The following LOXL2 variants were observed in gnomAD, a reference collection of about 807,000 sequenced individuals.
LOXL2 encodes lysyl oxidase like 2.
A neutral mutation model predicts 93.0 loss-of-function variants in LOXL2; 70 were observed. The ratio of observed to expected loss-of-function variants is 0.75; its 90% CI spans 0.62 to 0.92. The LOEUF (loss-of-function observed/expected upper bound fraction) is 0.92. Among genes scored for constraint, LOXL2 ranks in the 40% least tolerant of loss-of-function variants. The pLI is 0.00. For missense variants in LOXL2, 973 were observed against 1,054.9 expected (o/e 0.92, Z 1.08); for synonymous variants, 438 against 413.2 (o/e 1.06, Z -0.73).
At chr8:23,321,916 C>G (rs1358844031) in intron 7 of LOXL2, 12 of 554,384 alleles carry the variant, frequency 2.2e-5, no homozygotes, top group African/African-American at 3.8e-5. Context: ...AGGGCCTTTC[C>G]AGCTCACACT....
At chr8:23,378,673 G>A (rs543722605) in intron 1 of LOXL2, among the ~76,000 whole-genome samples, 28 of 152,014 alleles carry the variant, frequency 1.8e-4, no homozygotes, top group East Asian at 9.6e-4. Context: ...TTCTCTTCTC[G>A]CTTCATTTCA....
chr8:23,375,936 C>G (rs1045924913), intron 1 of LOXL2, among the ~76,000 whole-genome samples: 1 of 151,964 alleles, frequency 6.6e-6, no homozygotes, highest in Non-Finnish European at 1.5e-5. Flanking sequence ...TTATTTTTTT[C>G]TCCTGCCTGA....
At chr8:23,323,661 C>A (rs1585349914) in intron 6 of LOXL2, among the ~76,000 whole-genome samples, 1 of 137,184 alleles carries the variant, frequency 7.3e-6, no homozygotes, top group African/African-American at 3.1e-5. Flanking sequence ...TGTAAAAGGC[C>A]AATTAATTAT....
intron 10 of LOXL2, among the ~76,000 whole-genome samples, chr8:23,308,990 A>ATTTTT (rs67587130): frequency 7.3e-6 from 1 of 136,728 alleles, no homozygotes; most frequent in African/African-American, 2.8e-5. Flanking sequence ...ATATATATAT[A>ATTTTT]TTTTTTTTTT....
intron 1 of LOXL2, among the ~76,000 whole-genome samples, chr8:23,390,276 T>G (rs1362277294): frequency 2.0e-5 from 3 of 152,124 alleles, no homozygotes; most frequent in African/African-American, 7.2e-5. Flanking sequence ...CTTGGCTGAA[T>G]GGGGTTTGCT....
intron 10 of LOXL2, among the ~76,000 whole-genome samples, chr8:23,308,993 T>A (rs1037040678): frequency 8.7e-5 from 13 of 149,932 alleles, no homozygotes; most frequent in African/African-American, 1.7e-4. Flanking sequence ...TATATATATT[T>A]TTTTTTTTTG....
intron 1 of LOXL2, among the ~76,000 whole-genome samples, chr8:23,372,343 G>C (rs755112196): frequency 6.6e-6 from 1 of 151,706 alleles, no homozygotes; most frequent in African/African-American, 2.4e-5. Flanking sequence ...TTAGCCCCTC[G>C]AGTAGCTGGG....
intron 1 of LOXL2, among the ~76,000 whole-genome samples, chr8:23,376,490 A>G (rs1393981643): frequency 2.0e-5 from 3 of 152,032 alleles, no homozygotes; most frequent in African/African-American, 4.8e-5. Flanking sequence ...TTTTCTATTG[A>G]TTGGAATAGT....
chr8:23,373,830 C>T (rs564389304), intron 1 of LOXL2, among the ~76,000 whole-genome samples: 2 of 152,184 alleles, frequency 1.3e-5, no homozygotes, highest in East Asian at 1.9e-4. Context: ...CTACTACCCC[C>T]AGCCTGGCAC....
intron 1 of LOXL2, among the ~76,000 whole-genome samples, chr8:23,381,210 A>T (rs913357370): frequency 6.6e-5 from 10 of 152,178 alleles, no homozygotes; most frequent in African/African-American, 2.4e-4. Flanking sequence ...TTTATGGAAC[A>T]TTCTTTCATA....
chr8:23,342,781 C>T (rs1281485126), intron 3 of LOXL2, among the ~76,000 whole-genome samples: 1 of 151,826 alleles, frequency 6.6e-6, no homozygotes, highest in Non-Finnish European at 1.5e-5. Flanking sequence ...GGCAGGGTCT[C>T]ACTCTGTTGC....
Position 23,341,232 on chromosome 8 carries a change from G to C in LOXL2, c.532-29C>G, listed in dbSNP as rs1215227473. ...GGAAGAAAGAGGCGTGGAAGGAGAG[G>C]GTTACCCTACTGGCCTGGCTGCAGA... On this transcript the variant is annotated intron_variant, in intron 3 of 13. Transcript: ENST00000389131. 2.5e-6 allele frequency: 4 copies of C among 1,574,372 alleles called. No individual in the cohort carries two copies. In the African/African-American group the frequency reaches 5.4e-5, roughly 21 times the overall value.
chr8:23,340,459 C>A (rs1186357416), intron 4 of LOXL2, among the ~76,000 whole-genome samples: 1 of 152,182 alleles, frequency 6.6e-6, no homozygotes, highest in African/African-American at 2.4e-5. Flanking sequence ...GAAATATTAA[C>A]CTTAGCGATC....
chr8:23,386,462 A>G (rs1385352931), intron 1 of LOXL2, among the ~76,000 whole-genome samples: 1 of 152,218 alleles, frequency 6.6e-6, no homozygotes, highest in African/African-American at 2.4e-5. Flanking sequence ...ATAAACAAAT[A>G]TGTAAGTTCT....
At chr8:23,379,004 G>A (rs1035263700) in intron 1 of LOXL2, among the ~76,000 whole-genome samples, 9 of 145,778 alleles carry the variant, frequency 6.2e-5, no homozygotes, top group African/African-American at 2.3e-4. Flanking sequence ...GAGGGGGAGA[G>A]GTGCTCTGGT....
intron 4 of LOXL2, 93 bp from the exon 5 acceptor site, chr8:23,333,716 T>C: frequency 2.0e-6 from 2 of 1,005,708 alleles, no homozygotes; most frequent in Non-Finnish European, 2.9e-6. Context: ...GACTGGGCCC[T>C]GCTCCTGGAG....
intron 2 of LOXL2, among the ~76,000 whole-genome samples, chr8:23,367,198 G>A (rs112879007): frequency 0.033 from 5,058 of 151,992 alleles, 168 homozygotes; most frequent in East Asian, 0.1. Context: ...ACAGACACTC[G>A]CCACCATGCC....
Position 23,313,578 on chromosome 8 carries a change from A to T in LOXL2, c.1636+3371T>A, listed in dbSNP as rs538600881. Among the ~76,000 whole-genome samples the T allele has an allele frequency of 4.1e-3, 628 of 152,316 alleles. 7 individuals are homozygous for T. Among genetic ancestry groups the T allele is most frequent in the African/African-American group, 0.014 (590 of 41,572 alleles). On this transcript the variant is annotated intron_variant, in intron 9 of 13. Coordinates refer to ENST00000389131, the MANE Select transcript of LOXL2 (RefSeq NM_002318.3). ...TCCCTATTTAATAAATGGTGCTGAG[A>T]AAACTGGCTAGCCATATGTAGAAAG...
intron 4 of LOXL2, among the ~76,000 whole-genome samples, chr8:23,335,228 A>G (rs1803770848): frequency 6.6e-6 from 1 of 152,054 alleles, no homozygotes; most frequent in South Asian, 2.1e-4. Flanking sequence ...CTGGCCCTTT[A>G]AGAAGAGGCT....
Sources: gnomAD v4.1 joint callset for allele counts (sites outside exome capture counted in the v4.1 genomes callset) on GRCh38, gnomAD v4.1.1 for gene constraint, MANE v1.5 for transcripts, NCBI Gene and HGNC (gene_info 2026-07-23, HGNC 2026-07-21) for gene names.